DNAJC24: variants seen among roughly 807,000 people sequenced by gnomAD.
DNAJC24 encodes the protein DnaJ heat shock protein family (Hsp40) member C24.
A neutral mutation model predicts 18.0 loss-of-function variants in DNAJC24; 17 were observed. That is an observed-to-expected ratio of 0.94 (90% CI 0.65 to 1.42). DNAJC24 has a LOEUF of 1.42. Among genes scored for constraint, DNAJC24 ranks in the 40% most tolerant of loss-of-function variants. The pLI, the probability that DNAJC24 is intolerant of heterozygous loss-of-function variation, is 0.00. For missense variants in DNAJC24, 158 were observed against 175.6 expected (o/e 0.90, Z 0.57); for synonymous variants, 55 against 57.7 (o/e 0.95, Z 0.21).
chr11:31,395,827 C>T (rs1952538775), intron 2 of DNAJC24, among the ~76,000 whole-genome samples: 1 of 152,154 alleles, frequency 6.6e-6, no homozygotes, highest in African/African-American at 2.4e-5. Flanking sequence ...AAATTTTATA[C>T]AGTTGAATAA....
intron 2 of DNAJC24, among the ~76,000 whole-genome samples, chr11:31,385,876 A>G (rs1164507213): frequency 6.6e-6 from 1 of 152,154 alleles, no homozygotes; most frequent in African/African-American, 2.4e-5. Context: ...TTAATCACCT[A>G]CACCATCTCT....
chr11:31,415,590 C>G (rs17705427), intron 3 of DNAJC24: 35,830 of 152,176 alleles, frequency 0.24, 5,087 homozygotes, highest in Non-Finnish European at 0.32. Flanking sequence ...TGCAGTTACA[C>G]GAAGTGATAG....
chr11:31,403,724 T>A (rs1952624975), intron 2 of DNAJC24, among the ~76,000 whole-genome samples: 1 of 152,172 alleles, frequency 6.6e-6, no homozygotes, highest in Non-Finnish European at 1.5e-5. Context: ...TGGTCCAGGT[T>A]TCTGAAAAAC....
Position 31,431,640 on chromosome 11 carries a change from CA to C in DNAJC24, c.*1240del, listed in dbSNP as rs959257019. 3 of 150,870 alleles carry C rather than the reference CA, an allele frequency of 2.0e-5. No individual in the cohort carries two copies. The highest frequency in any genetic ancestry group is 3.0e-5 in the Non-Finnish European group (2 of 67,706). The allele number at this position is 150,870 out of a possible 1,614,324, so 9.3% of individuals were successfully genotyped here. A position where few individuals can be genotyped will look rare whatever the true frequency, so the allele number is the denominator to read the frequency against. On this transcript the variant is annotated 3_prime_UTR_variant, in exon 5 of 5. Transcript: ENST00000465995. ...CACCCTGGCCAACATGGTGAAACCC[CA>C]TATCTACTAAAAATAATTTTTTTAA...
At chr11:31,413,468 T>C (rs187581289) in intron 2 of DNAJC24, among the ~76,000 whole-genome samples, 2,840 of 151,702 alleles carry the variant, frequency 0.019, 45 homozygotes, top group Non-Finnish European at 0.029. Flanking sequence ...GTAGCTGGGA[T>C]TACAGGCGCC....
At chr11:31,403,477 A>AGC in intron 2 of DNAJC24, among the ~76,000 whole-genome samples, 1 of 152,326 alleles carries the variant, frequency 6.6e-6, no homozygotes, top group East Asian at 1.9e-4. Flanking sequence ...GACATCTTGA[A>AGC]GCAGGGGCTT....
At chr11:31,408,649 C>G (rs1203466151) in intron 2 of DNAJC24, among the ~76,000 whole-genome samples, 1 of 152,080 alleles carries the variant, frequency 6.6e-6, no homozygotes, top group African/African-American at 2.4e-5. Flanking sequence ...ATATCATTTC[C>G]TGTATATCTT....
chr11:31,405,128 G>A (rs1272865699), intron 2 of DNAJC24, among the ~76,000 whole-genome samples: 3 of 148,380 alleles, frequency 2.0e-5, no homozygotes, highest in African/African-American at 2.5e-5. Flanking sequence ...GCAGTGCAGT[G>A]GTGTGACCTC....
At chr11:31,376,252 T>C (rs558549971) in intron 2 of DNAJC24, among the ~76,000 whole-genome samples, 1 of 152,328 alleles carries the variant, frequency 6.6e-6, no homozygotes, top group Non-Finnish European at 1.5e-5. Context: ...CCATTAAACC[T>C]GTTTTTCTTT....
At chr11:31,370,615 A>G (rs1426084257) in intron 1 of DNAJC24, 101 bp from the exon 2 acceptor site, 4 of 523,248 alleles carry the variant, frequency 7.6e-6, no homozygotes, top group African/African-American at 2.0e-5. Context: ...TATAATCATG[A>G]TTTACTCGAC....
intron 2 of DNAJC24, among the ~76,000 whole-genome samples, chr11:31,376,638 T>G (rs483633): frequency 0.099 from 15,034 of 152,192 alleles, 2,070 homozygotes; most frequent in African/African-American, 0.31. Flanking sequence ...TTAGTAAGGG[T>G]TATGATCTAG....
chr11:31,405,218 T>C (rs1263706175), intron 2 of DNAJC24, among the ~76,000 whole-genome samples: 1 of 151,566 alleles, frequency 6.6e-6, no homozygotes, highest in Non-Finnish European at 1.5e-5. Context: ...TACAGGCACG[T>C]GCCACCACAC....
At chr11:31,413,783 T>C (rs987541626) in intron 2 of DNAJC24, among the ~76,000 whole-genome samples, 4 of 152,208 alleles carry the variant, frequency 2.6e-5, no homozygotes, top group Non-Finnish European at 5.9e-5. Context: ...CCTTATTTAC[T>C]TGAGAGTAAG....
At position 31,370,771 on chromosome 11, in the gene DNAJC24, CA is replaced by C; in HGVS notation, c.29del (p.Lys10ArgfsTer18). On this transcript the variant is annotated frameshift_variant, in exon 2 of 5. Transcript: ENST00000465995. LOFTEE classifies it high-confidence loss of function. ...TGGATGATGGCGGTTGAGCAGATGC[CA>C]AAAAAGGATTGGTACAGCATCCTGG... MMAVEQM[P>X]KKDWYSILGA... is the part of the protein sequence containing the mutation. The C allele has an allele frequency of 1.9e-6, 3 of 1,608,666 alleles. No individual in the cohort carries two copies. Among genetic ancestry groups the C allele is most frequent in the Admixed American group, 1.7e-5 (1 of 59,048 alleles).
intron 2 of DNAJC24, among the ~76,000 whole-genome samples, chr11:31,397,135 T>G (rs1249721143): frequency 1.3e-5 from 2 of 152,180 alleles, no homozygotes; most frequent in Non-Finnish European, 2.9e-5. Context: ...TATAATAAAT[T>G]GTTGGCATGC....
chr11:31,404,722 G>C (rs1431052651), intron 2 of DNAJC24, among the ~76,000 whole-genome samples: 1 of 152,108 alleles, frequency 6.6e-6, no homozygotes, highest in African/African-American at 2.4e-5. Flanking sequence ...AAATAAAAAT[G>C]ACCCATAATA....
At chr11:31,393,770 T>C (rs1165235052) in intron 2 of DNAJC24, among the ~76,000 whole-genome samples, 1 of 152,160 alleles carries the variant, frequency 6.6e-6, no homozygotes, top group African/African-American at 2.4e-5. Flanking sequence ...TATAGCAGCA[T>C]AAAGTAGACT....
chr11:31,372,115 A>C (rs658106), intron 2 of DNAJC24, among the ~76,000 whole-genome samples: 58,716 of 150,744 alleles, frequency 0.39, 11,799 homozygotes, highest in African/African-American at 0.47. Context: ...GAGCCACTGC[A>C]CCCGGCCGAC....
chr11:31,380,880 A>C, intron 2 of DNAJC24, among the ~76,000 whole-genome samples: 1 of 152,160 alleles, frequency 6.6e-6, no homozygotes, highest in East Asian at 1.9e-4. Flanking sequence ...GGCTCTAAAA[A>C]CATCTTGATG....
Sources: allele counts gnomAD v4.1 joint callset (sites outside exome capture counted in the v4.1 genomes callset), GRCh38; gene constraint gnomAD v4.1.1; transcripts MANE v1.5; gene names NCBI Gene and HGNC (gene_info 2026-07-23, HGNC 2026-07-21).